The following GLIS3 variants were observed in gnomAD, a reference collection of about 807,000 sequenced individuals.
The protein encoded by GLIS3 is zinc finger protein GLIS3.
A neutral mutation model predicts 78.6 loss-of-function variants in GLIS3; 53 were observed. The observed-to-expected ratio is 0.67, with a 90% CI of 0.54 to 0.85. The LOEUF (loss-of-function observed/expected upper bound fraction) is 0.85, where lower values mean the gene tolerates loss of function less well. Ranked by LOEUF, GLIS3 falls within the 40% of genes least tolerant of loss-of-function variation. The pLI is 0.00. For missense variants in GLIS3, 1,703 were observed against 1,231.1 expected (o/e 1.38, Z -5.74); for synonymous variants, 684 against 509.9 (o/e 1.34, Z -4.60).
the GLIS3 span, among the ~76,000 whole-genome samples, chr9:4,467,017 C>T: frequency 2.0e-5 from 3 of 152,196 alleles, no homozygotes; most frequent in East Asian, 1.9e-4. Flanking sequence ...CCCATGCCCA[C>T]GGTGCCTCAC....
In GLIS3 at chr9:4,122,668, T is replaced by C. The variant is rs191542532; in HGVS notation, c.596+3066A>G. ...CAGGTAGTTTATGAAAATTCAATCA[T>C]AAAATGCAGGATTACAATGCATGTG... On this transcript the variant is annotated intron_variant, in intron 3 of 10. Coordinates refer to ENST00000381971, the MANE Select transcript of GLIS3 (RefSeq NM_001042413.2). Among the ~76,000 whole-genome samples the C allele has an allele frequency of 3.3e-5, 5 of 152,298 alleles. No homozygotes were observed. In the East Asian group the frequency reaches 7.7e-4, roughly 24 times the overall value.
chr9:4,315,272 A>T (rs1817420850), intron 2 of GLIS3, among the ~76,000 whole-genome samples: 1 of 152,158 alleles, frequency 6.6e-6, no homozygotes, highest in Admixed American at 6.5e-5. Context: ...AGCTGACCCA[A>T]CATGATGTTG....
chr9:4,137,111 A>T (rs1226931740), intron 2 of GLIS3, among the ~76,000 whole-genome samples: 4 of 152,326 alleles, frequency 2.6e-5, no homozygotes, highest in African/African-American at 9.6e-5. Context: ...TAAATGACAA[A>T]ATAAGAAAGC....
intron 2 of GLIS3, among the ~76,000 whole-genome samples, chr9:4,204,338 T>A (rs61607364): frequency 0.033 from 4,954 of 152,230 alleles, 259 homozygotes; most frequent in African/African-American, 0.11. Flanking sequence ...TTTGTACATA[T>A]AACCATCTGA....
At chr9:4,309,948 T>C (rs1477971927) in intron 3 of GLIS3, among the ~76,000 whole-genome samples, 2 of 152,234 alleles carry the variant, frequency 1.3e-5, no homozygotes, top group Non-Finnish European at 2.9e-5. Context: ...CTGTGCTATA[T>C]TTTCAAAGAA....
rs764072714 is a variant in GLIS3, at chr9:4,118,264, G to C, written c.1214C>G (p.Pro405Arg). Residue 405 changes from proline (P) to arginine (R), a missense_variant, in exon 4 of 11, where the codon CCA (proline) becomes CGA (arginine). Transcript: ENST00000381971. This position sits in a 1 kb window ranked among gnomAD's most constrained non-coding sequence, Gnocchi z 4.7. Reference sequence around the variant, plus strand: ...CACCACCATGTGGTTGACCAGGCCTGGCTGCAGGCCGCCGTGCTCCAGCTG... The same window carrying C: ...CACCACCATGTGGTTGACCAGGCCTCGCTGCAGGCCGCCGTGCTCCAGCTG... ...MQQLEHGGLQPGLVNHMVVQH... is the reference protein window; with the variant it reads ...MQQLEHGGLQRGLVNHMVVQH... The C allele has an allele frequency of 2.5e-6, 4 of 1,589,128 alleles. No homozygotes were observed. Among genetic ancestry groups the C allele is most frequent in the Admixed American group, 1.8e-5 (1 of 57,060 alleles).
intron 4 of GLIS3, among the ~76,000 whole-genome samples, chr9:4,093,301 G>T (rs1829678065): frequency 6.6e-6 from 1 of 151,926 alleles, no homozygotes; most frequent in African/African-American, 2.4e-5. Flanking sequence ...GAATGTTCCT[G>T]CTGGAAAAAT....
At chr9:4,198,084 C>T (rs1208365089) in intron 2 of GLIS3, among the ~76,000 whole-genome samples, 4 of 152,150 alleles carry the variant, frequency 2.6e-5, no homozygotes, top group Non-Finnish European at 2.9e-5. Context: ...GGAATTCTAG[C>T]ACCAAGAAAT....
intron 4 of GLIS3, among the ~76,000 whole-genome samples, chr9:4,047,835 C>A (rs1825379817): frequency 6.6e-6 from 1 of 152,168 alleles, no homozygotes; most frequent in South Asian, 2.1e-4. Flanking sequence ...TCTCTGTCTG[C>A]TTTTTCGGTT....
intron 4 of GLIS3, among the ~76,000 whole-genome samples, chr9:3,976,906 T>C (rs1818852882): frequency 7.1e-6 from 1 of 140,554 alleles, no homozygotes; most frequent in Non-Finnish European, 1.5e-5. Context: ...CAGAAAGGTA[T>C]GAAAATATTT....
At chr9:4,355,766 C>G in the GLIS3 span, among the ~76,000 whole-genome samples, 1 of 152,108 alleles carries the variant, frequency 6.6e-6, no homozygotes, top group Non-Finnish European at 1.5e-5. Flanking sequence ...AGCCATAGAC[C>G]CTTTTCACCA....
intron 4 of GLIS3, among the ~76,000 whole-genome samples, chr9:4,098,342 A>G (rs1306057523): frequency 6.6e-6 from 1 of 152,202 alleles, no homozygotes; most frequent in East Asian, 1.9e-4. Flanking sequence ...AGAATTACTA[A>G]TGGGGGGCTG....
At chr9:4,092,947 C>G (rs555258833) in intron 4 of GLIS3, among the ~76,000 whole-genome samples, 1 of 152,280 alleles carries the variant, frequency 6.6e-6, no homozygotes, top group African/African-American at 2.4e-5. Context: ...CACCCCCATG[C>G]ACGTGAATAA....
the GLIS3 span, among the ~76,000 whole-genome samples, chr9:4,367,327 C>T: frequency 5.2e-4 from 78 of 151,444 alleles, 2 homozygotes; most frequent in East Asian, 0.014. Flanking sequence ...TTGTGACTTC[C>T]CTTCCCCACT....
the GLIS3 span, among the ~76,000 whole-genome samples, chr9:4,387,004 G>A: frequency 6.6e-6 from 1 of 152,178 alleles, no homozygotes; most frequent in Non-Finnish European, 1.5e-5. Context: ...TCCTTAAATG[G>A]CCAGGGGTGG....
chr9:4,058,292 C>A (rs1423312842), intron 4 of GLIS3, among the ~76,000 whole-genome samples: 1 of 151,688 alleles, frequency 6.6e-6, no homozygotes, highest in African/African-American at 2.4e-5. Context: ...CAACTATGAA[C>A]CACACATACA....
At chr9:4,062,395 G>C (rs1479868395) in intron 4 of GLIS3, among the ~76,000 whole-genome samples, 1 of 152,200 alleles carries the variant, frequency 6.6e-6, no homozygotes, top group African/African-American at 2.4e-5. Flanking sequence ...CTGTACCCCA[G>C]TTGCTGCTAC....
the GLIS3 span, among the ~76,000 whole-genome samples, chr9:4,437,161 G>T: frequency 6.6e-6 from 1 of 152,148 alleles, no homozygotes; most frequent in African/African-American, 2.4e-5. Flanking sequence ...TACTATGAAA[G>T]TGTATTTGAA....
intron 4 of GLIS3, among the ~76,000 whole-genome samples, chr9:3,946,018 C>G (rs534155307): frequency 2.0e-5 from 3 of 152,270 alleles, no homozygotes; most frequent in African/African-American, 7.2e-5. Flanking sequence ...CTTTTTGCCT[C>G]TCACCTTTGC....
Sources: allele counts gnomAD v4.1 joint callset (sites outside exome capture counted in the v4.1 genomes callset), GRCh38; gene constraint gnomAD v4.1.1; non-coding constraint Gnocchi (gnomAD v3.1); transcripts MANE v1.5; gene names NCBI Gene and HGNC (gene_info 2026-07-23, HGNC 2026-07-21).